Variants in EPN2 observed in about 807,000 individuals in gnomAD.
The protein encoded by EPN2 is epsin 2.
In EPN2, 34 loss-of-function variants were observed where a neutral mutation model predicts 61.7. The ratio of observed to expected loss-of-function variants is 0.55; its 90% CI spans 0.42 to 0.73. EPN2 has a LOEUF of 0.73. EPN2 is among the 30% of genes least tolerant of loss of function. The pLI, the probability that EPN2 is intolerant of heterozygous loss-of-function variation, is 0.00. For missense variants in EPN2, 714 were observed against 839.2 expected, an observed-to-expected ratio of 0.85 and a Z score of 1.84; for synonymous variants, 349 against 353.6, an observed-to-expected ratio of 0.99 and a Z score of 0.15.
rs148625960 is a variant in EPN2 at position 19,309,894 on chromosome 17, C to T, written c.776C>T (p.Pro259Leu). The T allele has an allele frequency of 2.4e-5, 39 of 1,606,864 alleles. No homozygotes were observed. The highest frequency in any genetic ancestry group is 6.6e-5 in the South Asian group (6 of 91,090). The change falls in exon 5 of 11, where the codon CCG becomes CTG. Residue 259 changes from proline to leucine, a missense_variant. Pro to Leu is a moderately conservative substitution (Grantham distance 98). This residue lies in a region of EPN2 where 304 missense variants were observed against 417.4 expected (regional missense o/e 0.73). Transcript: ENST00000314728. ...TGGTCTTCCCCAACAGCCACCTCCC[C>T]GCGAGTGTCCTCCGAGCTGGAGCAA... ...TCDRAARATSPRVSSELEQAR... is the reference protein window; with the variant it reads ...TCDRAARATSLRVSSELEQAR...
At chr17:19,317,374 C>T (rs1056872057) in intron 7 of EPN2, among the ~76,000 whole-genome samples, 1 of 152,236 alleles carries the variant, frequency 6.6e-6, no homozygotes, top group Non-Finnish European at 1.5e-5. Context: ...CCTTGGCTGG[C>T]TGGAGCCCTC....
chr17:19,250,038 T>C (rs775141768), intron 1 of EPN2, among the ~76,000 whole-genome samples: 1 of 152,152 alleles, frequency 6.6e-6, no homozygotes, highest in Non-Finnish European at 1.5e-5. Flanking sequence ...TGTGATTACG[T>C]TGGGCACACT....
rs201657368 is a variant in EPN2, at chr17:19,268,882, C to CGGCA, written c.-293-13073_-293-13072insGGCA. Among the ~76,000 whole-genome samples, 988 of 152,282 alleles carry CGGCA rather than the reference C, an allele frequency of 6.5e-3. 53 individuals carry two copies. The East Asian group carries it at 0.12, about 18-fold the overall frequency. On this transcript the variant is annotated intron_variant, in intron 1 of 10. Transcript: ENST00000314728. ...AATGCCACAGGCAGGCTGGGGAAGACTGCATACTGTTCAGTTTTACTAGTG... is the reference window on the plus strand; with the variant it reads ...AATGCCACAGGCAGGCTGGGGAAGACGGCATGCATACTGTTCAGTTTTACTAGTG...
intron 1 of EPN2, among the ~76,000 whole-genome samples, chr17:19,268,190 T>C (rs1051284052): frequency 6.6e-6 from 1 of 152,198 alleles, no homozygotes. Context: ...GTCCTTGTCT[T>C]CTCAGGAGCT....
intron 3 of EPN2, among the ~76,000 whole-genome samples, chr17:19,284,981 C>G (rs1207252529): frequency 6.6e-6 from 1 of 152,200 alleles, no homozygotes; most frequent in Non-Finnish European, 1.5e-5. Context: ...ACCTTAATCT[C>G]CAGAAGCCTC....
At chr17:19,332,414 C>T (rs72836798) in intron 10 of EPN2, among the ~76,000 whole-genome samples, 7,110 of 152,088 alleles carry the variant, frequency 0.047, 224 homozygotes, top group East Asian at 0.11. Flanking sequence ...GAGGAAGAGC[C>T]AGGGTTTGGC....
In EPN2 at chr17:19,285,677, A is replaced by T. The variant is rs756746240; in HGVS notation, c.653A>T (p.Glu218Val). ...ACAGGGGCCCCGCTGGGTCAGAGTG[A>T]GGAGCTGCAGCCACTGAGCCAGCGC... Reference protein sequence around the residue: ...HRTGAPLGQSEELQPLSQRHP... With the variant: ...HRTGAPLGQSVELQPLSQRHP... The change falls in exon 4 of 11, where the codon GAG becomes GTG. Residue 218 changes from glutamate (E) to valine (V), a missense_variant. Glu to Val is a moderately radical substitution (Grantham distance 121, BLOSUM62 -2). This residue lies in a region of EPN2 where 304 missense variants were observed against 417.4 expected (regional missense o/e 0.73). Coordinates refer to ENST00000314728, the MANE Select transcript of EPN2 (RefSeq NM_014964.5). This position sits in a 1 kb window ranked among gnomAD's most constrained non-coding sequence, Gnocchi z 4.5. 20 of 1,581,352 alleles carry T rather than the reference A, an allele frequency of 1.3e-5. No individual in the cohort carries two copies. Among genetic ancestry groups the T allele is most frequent in the Non-Finnish European group, 6.0e-6 (7 of 1,164,850 alleles).
rs61210278 is a variant in EPN2, at chr17:19,256,419, C to CAAA, written c.-294+18909_-294+18911dup. 1.4e-3 allele frequency among the ~76,000 whole-genome samples: 98 copies of CAAA among 67,720 alleles called. 3 individuals are homozygous for CAAA. Among genetic ancestry groups the CAAA allele is most frequent in the African/African-American group, 3.8e-3 (78 of 20,372 alleles). 44.4% of individuals were successfully genotyped at this position (67,720 alleles called of 152,430 possible). ...TGGGCAACATAGCAGGACCCTGTCT[C>CAAA]AAAAAAAAAAAAAAAAAAAAAAAGT... On this transcript the variant is annotated intron_variant, in intron 1 of 10. Coordinates refer to ENST00000314728, the MANE Select transcript of EPN2 (RefSeq NM_014964.5).
At chr17:19,321,598 C>T (rs892370657) in intron 7 of EPN2, among the ~76,000 whole-genome samples, 3 of 152,098 alleles carry the variant, frequency 2.0e-5, no homozygotes, top group African/African-American at 4.8e-5. Flanking sequence ...TAGAAGTAAC[C>T]GGGGCATGTC....
At position 19,266,780 on chromosome 17, in the gene EPN2, C is replaced by T. The variant is rs916627172; in HGVS notation, c.-293-15175C>T. Among the ~76,000 whole-genome samples, 6 of 151,908 alleles carry T rather than the reference C, an allele frequency of 3.9e-5. No homozygotes were observed. The East Asian group carries it at 9.7e-4, about 25-fold the overall frequency. ...AAAAAATTAGTAACAACCCAAATGTCCATCAACTGATGAATGGGTAAACAA... is the reference window on the plus strand; with the variant it reads ...AAAAAATTAGTAACAACCCAAATGTTCATCAACTGATGAATGGGTAAACAA... On this transcript the variant is annotated intron_variant, in intron 1 of 10. Coordinates refer to ENST00000314728, the MANE Select transcript of EPN2 (RefSeq NM_014964.5).
At position 19,262,908 on chromosome 17, in the gene EPN2, A is replaced by G. The variant is rs117160740; in HGVS notation, c.-293-19047A>G. ...TGTCGAGGTTCATCCATATGGTAGA[A>G]TGGGCCAGAACTTCCTTTTTAAGGC... On this transcript the variant is annotated intron_variant, in intron 1 of 10. Transcript: ENST00000314728. 2.0e-3 allele frequency among the ~76,000 whole-genome samples: 298 copies of G among 152,348 alleles called. 8 individuals are homozygous for G. In the East Asian group the frequency reaches 0.052, roughly 26 times the overall value.
chr17:19,303,417 G>C (rs1352970373), intron 4 of EPN2, among the ~76,000 whole-genome samples: 1 of 152,210 alleles, frequency 6.6e-6, no homozygotes, highest in African/African-American at 2.4e-5. Context: ...TGTCATGGCA[G>C]CACGTTCTCC....
At chr17:19,242,469 A>C (rs1445995773) in intron 1 of EPN2, among the ~76,000 whole-genome samples, 2 of 152,186 alleles carry the variant, frequency 1.3e-5, no homozygotes, top group Non-Finnish European at 2.9e-5. Context: ...CCAGATCCGC[A>C]ACATTGTTAA....
intron 1 of EPN2, among the ~76,000 whole-genome samples, chr17:19,257,591 C>A (rs1434007492): frequency 6.6e-6 from 1 of 151,068 alleles, no homozygotes; most frequent in African/African-American, 2.4e-5. Flanking sequence ...CATCTTGGCT[C>A]ACTGCAACTG....
intron 1 of EPN2, among the ~76,000 whole-genome samples, chr17:19,238,413 C>T (rs2044843331): frequency 6.6e-6 from 1 of 152,208 alleles, no homozygotes; most frequent in African/African-American, 2.4e-5. Context: ...CAGTGGCTTT[C>T]CCTGGGGCAG....
Position 19,283,186 on chromosome 17 carries a change from A to G in EPN2, c.67A>G (p.Lys23Glu). ...GAACAATTACTCAGAGGCAGAAATC[A>G]AAGTCCGGGAAGCCACCTCCAATGA... Reference protein sequence around the residue: ...IVNNYSEAEIKVREATSNDPW... With the variant: ...IVNNYSEAEIEVREATSNDPW... The change falls in exon 3 of 11, where the codon AAA becomes GAA. Residue 23 changes from lysine (K) to glutamate (E), a missense_variant. Physicochemically the swap from Lys to Glu is moderately conservative, Grantham distance 56. Coordinates refer to ENST00000314728, the MANE Select transcript of EPN2 (RefSeq NM_014964.5). This position sits in a 1 kb window ranked among gnomAD's most constrained non-coding sequence, Gnocchi z 7.0. The G allele has an allele frequency of 6.2e-7, 1 of 1,614,128 alleles. No individual in the cohort carries two copies.
chr17:19,278,419 C>T (rs2045329590), intron 1 of EPN2, among the ~76,000 whole-genome samples: 1 of 152,182 alleles, frequency 6.6e-6, no homozygotes, highest in African/African-American at 2.4e-5. Context: ...GCACTTCTTA[C>T]ATGGCAGCAA....
intron 1 of EPN2, among the ~76,000 whole-genome samples, chr17:19,238,858 T>C (rs771198837): frequency 6.6e-6 from 1 of 152,152 alleles, no homozygotes; most frequent in Non-Finnish European, 1.5e-5. Flanking sequence ...GGTGTTAAAA[T>C]GATGGGAAAA....
chr17:19,266,159 A>G (rs560853641), intron 1 of EPN2, among the ~76,000 whole-genome samples: 64 of 152,296 alleles, frequency 4.2e-4, no homozygotes, highest in Non-Finnish European at 8.1e-4. Context: ...AAAATAAAAA[A>G]TCAACCTTAG....
Sources: allele counts gnomAD v4.1 joint callset (sites outside exome capture counted in the v4.1 genomes callset), GRCh38; gene constraint gnomAD v4.1.1; regional missense constraint gnomAD v4.1.1; non-coding constraint Gnocchi (gnomAD v3.1); transcripts MANE v1.5; gene names NCBI Gene and HGNC (gene_info 2026-07-23, HGNC 2026-07-21).